Variants in GALNT13 observed in about 807,000 individuals in gnomAD.
The protein encoded by GALNT13 is polypeptide N-acetylgalactosaminyltransferase 13.
GALNT13 carries 28 observed loss-of-function variants against 64.2 expected under a neutral mutation model. The ratio of observed to expected loss-of-function variants is 0.44; its 90% CI spans 0.32 to 0.60. The LOEUF (loss-of-function observed/expected upper bound fraction) is 0.60. Ranked by LOEUF, GALNT13 falls within the 20% of genes least tolerant of loss-of-function variation. The pLI is 0.05. For synonymous variants in GALNT13, 214 were observed against 224.6 expected, an observed-to-expected ratio of 0.95 and a Z score of 0.42; for missense variants, 577 against 669.8, an observed-to-expected ratio of 0.86 and a Z score of 1.53.
At chr2:153,521,276 C>T in the GALNT13 span, among the ~76,000 whole-genome samples, 1 of 151,800 alleles carries the variant, frequency 6.6e-6, no homozygotes, top group Non-Finnish European at 1.5e-5. Context: ...TGATAAATAC[C>T]ATTAGGTTTT....
chr2:154,310,692 A>G (rs535152199), intron 9 of GALNT13, among the ~76,000 whole-genome samples: 67 of 152,236 alleles, frequency 4.4e-4, no homozygotes, highest in Admixed American at 7.9e-4. Flanking sequence ...ACCCAAGAGG[A>G]TATTTCTGAG....
the GALNT13 span, among the ~76,000 whole-genome samples, chr2:153,288,360 G>A: frequency 2.0e-5 from 3 of 151,982 alleles, no homozygotes; most frequent in African/African-American, 7.3e-5. Flanking sequence ...CCATTGTTTT[G>A]CTTTCCACTG....
chr2:153,107,600 T>A, the GALNT13 span, among the ~76,000 whole-genome samples: 24 of 152,150 alleles, frequency 1.6e-4, no homozygotes, highest in Admixed American at 1.6e-3. Context: ...TTATTTTTCC[T>A]GGAGAGGAGT....
At chr2:153,498,413 A>T in the GALNT13 span, among the ~76,000 whole-genome samples, 4 of 152,208 alleles carry the variant, frequency 2.6e-5, no homozygotes, top group Admixed American at 2.6e-4. Context: ...CAGATCCCAT[A>T]CTTGCCAAGG....
At chr2:154,407,834 A>T (rs1699621181) in intron 10 of GALNT13, among the ~76,000 whole-genome samples, 2 of 152,104 alleles carry the variant, frequency 1.3e-5, no homozygotes, top group African/African-American at 4.8e-5. Context: ...CCTTAATGCA[A>T]GTCATACCAC....
the GALNT13 span, among the ~76,000 whole-genome samples, chr2:153,118,893 C>G: frequency 6.6e-6 from 1 of 152,164 alleles, no homozygotes; most frequent in African/African-American, 2.4e-5. Context: ...CAAATCTCAT[C>G]TTGAACTGTA....
chr2:153,825,948 C>A, the GALNT13 span, among the ~76,000 whole-genome samples: 3 of 152,012 alleles, frequency 2.0e-5, no homozygotes, highest in African/African-American at 7.3e-5. Context: ...ATCCTAGCTC[C>A]CTGGTACCTC....
At chr2:154,001,948 T>C (rs2105222813) in intron 3 of GALNT13, among the ~76,000 whole-genome samples, 1 of 152,136 alleles carries the variant, frequency 6.6e-6, no homozygotes. Context: ...TGTTGAAAGG[T>C]TTTTTTGTGT....
intron 3 of GALNT13, among the ~76,000 whole-genome samples, chr2:154,133,812 C>T (rs1408439443): frequency 6.6e-6 from 1 of 151,748 alleles, no homozygotes; most frequent in African/African-American, 2.4e-5. Context: ...ATAAAAATAA[C>T]ACTGACAAGT....
At chr2:153,084,419 G>C in the GALNT13 span, among the ~76,000 whole-genome samples, 2 of 152,186 alleles carry the variant, frequency 1.3e-5, no homozygotes, top group Non-Finnish European at 2.9e-5. Context: ...TCTTTCAGCA[G>C]TGTTTTATAG....
chr2:153,847,695 C>T, the GALNT13 span, among the ~76,000 whole-genome samples: 5 of 151,746 alleles, frequency 3.3e-5, no homozygotes, highest in Admixed American at 6.6e-5. Flanking sequence ...AAAAATAAGA[C>T]GTATGTCAAA....
intron 4 of GALNT13, among the ~76,000 whole-genome samples, chr2:154,172,609 T>C (rs1685421438): frequency 6.6e-6 from 1 of 151,914 alleles, no homozygotes; most frequent in African/African-American, 2.4e-5. Flanking sequence ...TTGCTGCAAA[T>C]GATAGGATTT....
chr2:153,735,906 A>G, the GALNT13 span, among the ~76,000 whole-genome samples: 1 of 152,194 alleles, frequency 6.6e-6, no homozygotes. Context: ...CTGATCACTG[A>G]TCACTTGATT....
chr2:154,026,557 G>T (rs1370551297), intron 3 of GALNT13, among the ~76,000 whole-genome samples: 7 of 152,142 alleles, frequency 4.6e-5, no homozygotes, highest in Admixed American at 3.9e-4. Context: ...GCATGGGCAG[G>T]TTCTGGTCAG....
intron 3 of GALNT13, among the ~76,000 whole-genome samples, chr2:153,986,072 G>A (rs72866847): frequency 0.011 from 1,726 of 152,070 alleles, 19 homozygotes; most frequent in Non-Finnish European, 0.018. Flanking sequence ...CGGAAATATC[G>A]GGCATGAGAC....
chr2:154,339,845 A>G (rs892503006), intron 9 of GALNT13, among the ~76,000 whole-genome samples: 5 of 152,030 alleles, frequency 3.3e-5, no homozygotes, highest in African/African-American at 1.2e-4. Flanking sequence ...TTGATGGCTT[A>G]TTTTGCAGTG....
the GALNT13 span, among the ~76,000 whole-genome samples, chr2:153,217,236 C>G: frequency 6.6e-6 from 1 of 151,986 alleles, no homozygotes; most frequent in Admixed American, 6.6e-5. Flanking sequence ...ATTGTTTCCT[C>G]TCCAACATTC....
At chr2:153,190,225 T>A in the GALNT13 span, among the ~76,000 whole-genome samples, 1 of 152,058 alleles carries the variant, frequency 6.6e-6, no homozygotes, top group African/African-American at 2.4e-5. Context: ...TTTATAGCTT[T>A]GGATATTACA....
chr2:154,136,964 T>C (rs1362590662), intron 3 of GALNT13, among the ~76,000 whole-genome samples: 5 of 152,058 alleles, frequency 3.3e-5, no homozygotes, highest in African/African-American at 9.7e-5. Context: ...TGGTTTTTTT[T>C]TTCCTCTGAC....
Sources: allele counts gnomAD v4.1 joint callset (sites outside exome capture counted in the v4.1 genomes callset), GRCh38; gene constraint gnomAD v4.1.1; transcripts MANE v1.5; gene names NCBI Gene and HGNC (gene_info 2026-07-23, HGNC 2026-07-21).